APBA1: variants seen among roughly 807,000 people sequenced by gnomAD.
The protein encoded by APBA1 is amyloid-beta A4 precursor protein-binding family A member 1.
In APBA1, 55 loss-of-function variants were observed where a neutral mutation model predicts 86.6. The ratio of observed to expected loss-of-function variants is 0.64; its 90% CI spans 0.51 to 0.80. The LOEUF (loss-of-function observed/expected upper bound fraction) is 0.80, where lower values mean the gene tolerates loss of function less well. Among genes scored for constraint, APBA1 ranks in the 30% least tolerant of loss-of-function variants. The probability of loss-of-function intolerance (pLI) is 0.00; values close to 1 mark genes in which losing one functional copy is unlikely to be tolerated. For missense variants in APBA1, 1,090 were observed against 1,183.0 expected (o/e 0.92, Z 1.15); for synonymous variants, 511 against 493.9 (o/e 1.03, Z -0.46).
At chr9:69,522,389 A>T (rs947099114) in intron 1 of APBA1, among the ~76,000 whole-genome samples, 5 of 148,838 alleles carry the variant, frequency 3.4e-5, no homozygotes, top group African/African-American at 1.3e-4. Flanking sequence ...TCTTCTTTCT[A>T]TCTTAAATCT....
At chr9:69,569,280 T>G (rs1255634405) in intron 1 of APBA1, among the ~76,000 whole-genome samples, 1 of 152,222 alleles carries the variant, frequency 6.6e-6, no homozygotes, top group Non-Finnish European at 1.5e-5. Flanking sequence ...AGAAGTGATT[T>G]TCACGTAAGT....
At chr9:69,487,848 C>T (rs979010096) in intron 2 of APBA1, among the ~76,000 whole-genome samples, 1 of 152,088 alleles carries the variant, frequency 6.6e-6, no homozygotes, top group East Asian at 1.9e-4. Context: ...CTGAACAGTC[C>T]TCCACCCCAA....
chr9:69,488,857 T>C (rs1410685762), intron 2 of APBA1, among the ~76,000 whole-genome samples: 3 of 152,090 alleles, frequency 2.0e-5, no homozygotes, highest in Admixed American at 6.5e-5. Flanking sequence ...GAGAGCCAAA[T>C]CATGAGTGAA....
rs1171885525 is a variant in APBA1, at chr9:69,547,788, G to A, written c.-69-30509C>T. 3.3e-5 allele frequency among the ~76,000 whole-genome samples: 5 copies of A among 152,180 alleles called. No individual in the cohort carries two copies. The South Asian group carries it at 1.0e-3, about 31-fold the overall frequency. ...GAAGATCCAAGCTTTCCCCATTTCAGTCAAGTGCTTTACTCAGCAGTCTAC... is the reference window on the plus strand; with the variant it reads ...GAAGATCCAAGCTTTCCCCATTTCAATCAAGTGCTTTACTCAGCAGTCTAC... On this transcript the variant is annotated intron_variant, in intron 1 of 12. Transcript: ENST00000265381.
intron 2 of APBA1, among the ~76,000 whole-genome samples, chr9:69,492,310 T>G (rs58898712): frequency 0.15 from 22,974 of 152,036 alleles, 2,366 homozygotes; most frequent in East Asian, 0.28. Flanking sequence ...CTAGTGGTAC[T>G]TTCAGTGCCT....
intron 2 of APBA1, among the ~76,000 whole-genome samples, chr9:69,505,313 C>A (rs918998383): frequency 2.6e-5 from 4 of 152,086 alleles, no homozygotes; most frequent in Non-Finnish European, 5.9e-5. Flanking sequence ...GTCTTAGCTG[C>A]TCCCGCTTGG....
chr9:69,433,414 T>C (rs539619951), intron 11 of APBA1, among the ~76,000 whole-genome samples: 2 of 152,368 alleles, frequency 1.3e-5, no homozygotes, highest in Admixed American at 6.5e-5. Flanking sequence ...TAAAAGTGGA[T>C]GCAGACAAGA....
chr9:69,542,848 C>T (rs1836636661), intron 1 of APBA1, among the ~76,000 whole-genome samples: 1 of 152,044 alleles, frequency 6.6e-6, no homozygotes, highest in South Asian at 2.1e-4. Flanking sequence ...AGTATTTCAC[C>T]CTAGTTGTAT....
intron 2 of APBA1, among the ~76,000 whole-genome samples, chr9:69,503,406 T>C (rs1458095791): frequency 6.6e-6 from 1 of 152,100 alleles, no homozygotes; most frequent in Non-Finnish European, 1.5e-5. Flanking sequence ...ATGTTTATAC[T>C]GCCTCACCTT....
At chr9:69,542,379 A>T (rs565809998) in intron 1 of APBA1, among the ~76,000 whole-genome samples, 1 of 152,366 alleles carries the variant, frequency 6.6e-6, no homozygotes, top group South Asian at 2.1e-4. Context: ...CATACAGAAT[A>T]GTTTCACTGC....
Position 69,516,184 on chromosome 9 carries a change from G to A in APBA1, c.1027C>T (p.Arg343Cys), listed in dbSNP as rs761546408. The A allele has an allele frequency of 1.9e-6, 3 of 1,607,896 alleles. No individual in the cohort carries two copies. Among genetic ancestry groups the A allele is most frequent in the Non-Finnish European group, 2.5e-6 (3 of 1,177,424 alleles). ...EAGQRYSKEK[R>C]DAISLAIKDI... ...TTGATGGCCAGCGAGATGGCATCGCGCTTCTCCTTGCTGTACCGCTGCCCC... is the reference window on the plus strand; with the variant it reads ...TTGATGGCCAGCGAGATGGCATCGCACTTCTCCTTGCTGTACCGCTGCCCC... The change falls in exon 2 of 13, where the codon CGC (arginine) becomes TGC (cysteine). Residue 343 changes from arginine (R) to cysteine (C), a missense_variant. Physicochemically the swap from Arg to Cys is radical, Grantham distance 180. Transcript: ENST00000265381. This position sits in a 1 kb window ranked among gnomAD's most constrained non-coding sequence, Gnocchi z 7.3.
Position 69,456,306 on chromosome 9 carries a change from G to A in APBA1, c.1729C>T (p.Pro577Ser). The change falls in exon 8 of 13, where the codon CCA (proline) becomes TCA (serine). Residue 577 changes from proline to serine, a missense_variant. Transcript: ENST00000265381. ...NSQENVEASH[P>S]SQDGKRQYKM... ...TACTGCCTTTTCCCATCCTGGGATG[G>A]GTGGGACGCTTCCACGTTCTCCTGG... is the stretch of plus-strand genomic sequence containing the variant. 6.2e-7 allele frequency: 1 copy of A among 1,614,228 alleles called. No individual in the cohort carries two copies. Among genetic ancestry groups the A allele is most frequent in the Non-Finnish European group, 8.5e-7 (1 of 1,180,032 alleles).
At chr9:69,458,029 A>C (rs2133817265) in intron 6 of APBA1, 127 bp downstream of exon 6, 1 of 1,051,270 alleles carries the variant, frequency 9.5e-7, no homozygotes, top group East Asian at 2.6e-5. Context: ...GGGGCGGTTC[A>C]AAAAGAAATC....
chr9:69,631,391 C>T (rs1442678250), intron 1 of APBA1, among the ~76,000 whole-genome samples: 1 of 152,142 alleles, frequency 6.6e-6, no homozygotes, highest in Non-Finnish European at 1.5e-5. Context: ...GCAATCATTA[C>T]AAAGTCAGGA....
Position 69,516,983 on chromosome 9 carries a change from C to A in APBA1, c.228G>T (p.Ala76=). ...QEEEERGECL[A]RSASTESGFH... Reference sequence around the variant, plus strand: ...AGCCGCTCTCCGTGCTGGCTGAGCGCGCCAGGCATTCCCCGCGCTCCTCTT... The same window carrying A: ...AGCCGCTCTCCGTGCTGGCTGAGCGAGCCAGGCATTCCCCGCGCTCCTCTT... Residue 76 remains alanine (A), a synonymous_variant, in exon 2 of 13, where the codon GCG becomes GCT. Transcript: ENST00000265381. This position sits in a 1 kb window ranked among gnomAD's most constrained non-coding sequence, Gnocchi z 7.3. The A allele has an allele frequency of 6.3e-7, 1 of 1,586,480 alleles. No individual in the cohort carries two copies. Among genetic ancestry groups the A allele is most frequent in the Non-Finnish European group, 8.5e-7 (1 of 1,173,314 alleles).
intron 8 of APBA1, among the ~76,000 whole-genome samples, chr9:69,456,039 A>C (rs1281294134): frequency 3.9e-5 from 6 of 152,036 alleles, no homozygotes; most frequent in Non-Finnish European, 7.4e-5. Flanking sequence ...AAGTATATTT[A>C]CCTATTGATT....
intron 1 of APBA1, among the ~76,000 whole-genome samples, chr9:69,551,767 G>T (rs1387973083): frequency 6.6e-6 from 1 of 152,164 alleles, no homozygotes; most frequent in Non-Finnish European, 1.5e-5. Context: ...CTGTTGAAAG[G>T]TTCCATGAAA....
At chr9:69,636,922 G>GGAAGGAAGGAAGGAAGGAAGGAAA (rs1331913719) in intron 1 of APBA1, among the ~76,000 whole-genome samples, 10 of 63,954 alleles carry the variant, frequency 1.6e-4, no homozygotes, top group African/African-American at 1.3e-4. Context: ...AAGGAAGGAA[G>GGAAGGAAGGAAGGAAGGAAGGAAA]GAAAGAAAGA....
chr9:69,601,652 A>C (rs1822351744), intron 1 of APBA1, among the ~76,000 whole-genome samples: 1 of 152,236 alleles, frequency 6.6e-6, no homozygotes, highest in Admixed American at 6.5e-5. Flanking sequence ...ATTTAACAAG[A>C]GCATAGAATG....
Sources: gnomAD v4.1 joint callset for allele counts (sites outside exome capture counted in the v4.1 genomes callset) on GRCh38, gnomAD v4.1.1 for gene constraint, Gnocchi (gnomAD v3.1) non-coding constraint, MANE v1.5 for transcripts, NCBI Gene and HGNC (gene_info 2026-07-23, HGNC 2026-07-21) for gene names.